Variants in HRH1 observed in about 807,000 individuals in gnomAD.
The protein encoded by HRH1 is histamine H1 receptor.
Under a neutral mutation model 10.3 loss-of-function variants are expected in HRH1, and 6 were observed. The observed-to-expected ratio is 0.58, with a 90% CI of 0.32 to 1.15. HRH1 has a LOEUF of 1.15. HRH1 is among the 50% of genes most tolerant of loss of function. The pLI is 0.05. For missense variants in HRH1, 514 were observed against 615.3 expected (o/e 0.84, Z 1.74); for synonymous variants, 242 against 236.7 (o/e 1.02, Z -0.21).
chr3:11,246,118 A>G (rs548140402), intron 1 of HRH1, among the ~76,000 whole-genome samples: 1 of 152,138 alleles, frequency 6.6e-6, no homozygotes, highest in Non-Finnish European at 1.5e-5. Flanking sequence ...ACACATGCAC[A>G]TACACATTCA....
chr3:11,203,255 C>A (rs1204360208), intron 1 of HRH1, among the ~76,000 whole-genome samples: 2 of 151,642 alleles, frequency 1.3e-5, no homozygotes, highest in Admixed American at 1.3e-4. Context: ...GTTTTCAAGT[C>A]TTGGGTAAAC....
chr3:11,140,004 A>T (rs187186911), intron 1 of HRH1, among the ~76,000 whole-genome samples: 54 of 152,028 alleles, frequency 3.6e-4, no homozygotes, highest in African/African-American at 5.1e-4. Flanking sequence ...CATAAAAAAA[A>T]TTTTTTTTTA....
intron 1 of HRH1, among the ~76,000 whole-genome samples, chr3:11,233,027 T>C (rs971293925): frequency 3.9e-5 from 6 of 152,240 alleles, no homozygotes; most frequent in African/African-American, 1.4e-4. Context: ...TCTGATACTT[T>C]CAAGTTTTTT....
rs114697997 is a variant in HRH1, at chr3:11,209,900, G to A, written c.-35-49103G>A. 4.3e-3 allele frequency among the ~76,000 whole-genome samples: 654 copies of A among 152,322 alleles called. 5 individuals carry two copies. The highest frequency in any genetic ancestry group is 0.015 in the African/African-American group (623 of 41,572). ...CTTATTCTGCTGTGCTGCCGAGATAGACCCTGAACTTCTGGCATTAGGGAC... is the reference window on the plus strand; with the variant it reads ...CTTATTCTGCTGTGCTGCCGAGATAAACCCTGAACTTCTGGCATTAGGGAC... On this transcript the variant is annotated intron_variant, in intron 1 of 1. Coordinates refer to ENST00000431010, the MANE Select transcript of HRH1 (RefSeq NM_001098212.2).
chr3:11,173,205 T>C (rs1212928756), intron 1 of HRH1, among the ~76,000 whole-genome samples: 1 of 152,192 alleles, frequency 6.6e-6, no homozygotes, highest in Non-Finnish European at 1.5e-5. Context: ...CCATTTACTT[T>C]ATGATCTTGG....
At chr3:11,214,274 C>T (rs1204660511) in intron 1 of HRH1, among the ~76,000 whole-genome samples, 1 of 152,160 alleles carries the variant, frequency 6.6e-6, no homozygotes, top group Non-Finnish European at 1.5e-5. Flanking sequence ...TTTACAGCCC[C>T]CTTCCTGGGG....
At chr3:11,143,322 T>C (rs1310982886) in intron 1 of HRH1, among the ~76,000 whole-genome samples, 1 of 152,120 alleles carries the variant, frequency 6.6e-6, no homozygotes, top group Non-Finnish European at 1.5e-5. Flanking sequence ...CTTGGTTCTT[T>C]TTGGTCAAGA....
At chr3:11,145,011 C>T (rs1441411447) in intron 1 of HRH1, among the ~76,000 whole-genome samples, 1 of 152,186 alleles carries the variant, frequency 6.6e-6, no homozygotes, top group Non-Finnish European at 1.5e-5. Context: ...CTGCTGGTTA[C>T]CAAAGTCTTC....
At chr3:11,137,605 T>A (rs751586800) in intron 1 of HRH1, among the ~76,000 whole-genome samples, 3 of 151,950 alleles carry the variant, frequency 2.0e-5, no homozygotes, top group African/African-American at 7.3e-5. Context: ...GGAGGAGTCA[T>A]CATGGGCTGT....
At chr3:11,152,911 A>G (rs986049751), upstream of HRH1, among the ~76,000 whole-genome samples, 1 of 151,986 alleles carries the variant, frequency 6.6e-6, no homozygotes, top group African/African-American at 2.4e-5. Flanking sequence ...TCGAATCCAT[A>G]ATGCCCAGGA....
chr3:11,251,647 T>C (rs1435219931), intron 1 of HRH1, among the ~76,000 whole-genome samples: 1 of 152,192 alleles, frequency 6.6e-6, no homozygotes, highest in Non-Finnish European at 1.5e-5. Flanking sequence ...CATGGGTTTT[T>C]TTCTGCGTTT....
At chr3:11,161,433 G>C (rs566131365) in intron 1 of HRH1, among the ~76,000 whole-genome samples, 9 of 152,082 alleles carry the variant, frequency 5.9e-5, no homozygotes, top group Admixed American at 5.9e-4. Context: ...CCTTGCCCTC[G>C]GCCCAGGTGA....
intron 1 of HRH1, among the ~76,000 whole-genome samples, chr3:11,211,547 C>T (rs530046451): frequency 5.3e-5 from 8 of 152,358 alleles, no homozygotes; most frequent in African/African-American, 1.9e-4. Flanking sequence ...ACCCCCTCTC[C>T]AGCTGTGGCT....
intron 1 of HRH1, among the ~76,000 whole-genome samples, chr3:11,192,217 G>A (rs1035404083): frequency 4.6e-5 from 7 of 152,178 alleles, no homozygotes; most frequent in African/African-American, 9.7e-5. Flanking sequence ...ACACACCTGC[G>A]TAACCAGCGT....
chr3:11,170,010 C>T (rs916730021), intron 1 of HRH1, among the ~76,000 whole-genome samples: 2 of 152,218 alleles, frequency 1.3e-5, no homozygotes, highest in African/African-American at 4.8e-5. Flanking sequence ...CCACCTCCCT[C>T]GCTAGGAATG....
rs557804886 is a variant in HRH1, at chr3:11,202,596, G to A, written c.-36+48042G>A. On this transcript the variant is annotated intron_variant, in intron 1 of 1. Coordinates refer to ENST00000431010, the MANE Select transcript of HRH1 (RefSeq NM_001098212.2). ...CCAAGATGTTTTGTTTTGTTTTAACGAAGACTTTATTTTTCTTCAAGCAGT... is the reference window on the plus strand; with the variant it reads ...CCAAGATGTTTTGTTTTGTTTTAACAAAGACTTTATTTTTCTTCAAGCAGT... 5.5e-4 allele frequency among the ~76,000 whole-genome samples: 83 copies of A among 151,972 alleles called. No homozygotes were observed. In the South Asian group the frequency reaches 0.017, roughly 31 times the overall value.
chr3:11,176,515 G>A (rs756922345), intron 1 of HRH1, among the ~76,000 whole-genome samples: 3 of 152,144 alleles, frequency 2.0e-5, no homozygotes, highest in Non-Finnish European at 4.4e-5. Context: ...GGGTACCAAT[G>A]GTACCCACCC....
At chr3:11,198,528 T>C (rs1012704599) in intron 1 of HRH1, among the ~76,000 whole-genome samples, 6 of 152,104 alleles carry the variant, frequency 3.9e-5, no homozygotes, top group African/African-American at 1.2e-4. Flanking sequence ...AGGTAAATGG[T>C]AGTGCCATTC....
At chr3:11,144,371 A>G (rs9869200) in intron 1 of HRH1, among the ~76,000 whole-genome samples, 3,338 of 140,004 alleles carry the variant, frequency 0.024, 59 homozygotes, top group African/African-American at 0.043. Context: ...GTGTGTGTGT[A>G]TATATATGTC....
Sources: allele counts gnomAD v4.1 joint callset (sites outside exome capture counted in the v4.1 genomes callset), GRCh38; gene constraint gnomAD v4.1.1; transcripts MANE v1.5; gene names NCBI Gene and HGNC (gene_info 2026-07-23, HGNC 2026-07-21).